The following ZNF565 variants were observed in gnomAD, a reference collection of about 807,000 sequenced individuals.
ZNF565 encodes the protein zinc finger protein 565.
ZNF565 carries 27 observed loss-of-function variants against 39.4 expected under a neutral mutation model. The observed-to-expected ratio is 0.69, with a 90% CI of 0.51 to 0.95. The LOEUF is 0.95. Among genes scored for constraint, ZNF565 ranks in the 40% least tolerant of loss-of-function variants. The pLI is 0.00. For synonymous variants in ZNF565, 185 were observed against 216.6 expected (o/e 0.85, Z 1.28); for missense variants, 524 against 621.1 (o/e 0.84, Z 1.66).
At chr19:36,236,333 TATA>T (rs1977642770) in intron 1 of ZNF565, 1 of 1,341,310 alleles carries the variant, frequency 7.5e-7, no homozygotes. Flanking sequence ...AGAGAAGCCT[TATA>T]AATGTAAGAG....
chr19:36,185,698 G>A (rs1468569368), intron 4 of ZNF565, among the ~76,000 whole-genome samples: 1 of 149,170 alleles, frequency 6.7e-6, no homozygotes, highest in Non-Finnish European at 1.5e-5. Context: ...TAAGGTCTCA[G>A]ATGAAAACTC....
At chr19:36,214,740 C>G (rs113671570), upstream of ZNF565, 1,440 of 152,424 alleles carry the variant, frequency 9.4e-3, 19 homozygotes, top group Non-Finnish European at 0.014. Context: ...AGAGCTAGAT[C>G]GGCCACGGAC....
At chr19:36,235,285 C>G (rs555577376) in intron 1 of ZNF565, among the ~76,000 whole-genome samples, 22 of 151,252 alleles carry the variant, frequency 1.5e-4, no homozygotes, top group African/African-American at 5.3e-4. Context: ...TAATTTTCAT[C>G]TTTTTCTTCT....
In ZNF565 at chr19:36,200,878, A is replaced by C. The variant is rs28540600; in HGVS notation, c.9+1099T>G. ...CTGCTTATGACAACCTCGGCCTCCT[A>C]GGTTAAAGTGATTCTCCTACCTCAG... On this transcript the variant is annotated intron_variant, in intron 2 of 4. Transcript: ENST00000304116. Among the ~76,000 whole-genome samples, 1,036 of 151,954 alleles carry C rather than the reference A, an allele frequency of 6.8e-3. 8 individuals carry two copies. Among genetic ancestry groups the C allele is most frequent in the African/African-American group, 0.024 (977 of 41,410 alleles).
At chr19:36,222,475 G>A (rs796596964) in intron 1 of ZNF565, among the ~76,000 whole-genome samples, 96 of 152,276 alleles carry the variant, frequency 6.3e-4, no homozygotes, top group African/African-American at 2.3e-3. Flanking sequence ...TGCCCAGTGG[G>A]TAAGTACTTA....
In ZNF565 at chr19:36,194,228, C is replaced by A; in HGVS notation, c.232+5G>T. ...CTTCCCCTGTCGAAATCGGCCCTCG[C>A]TTACCTGGGCACCATGGTCCTGTCA... On this transcript the variant is annotated splice_donor_5th_base_variant and intron_variant, in intron 4 of 4. Coordinates refer to ENST00000304116, the MANE Select transcript of ZNF565 (RefSeq NM_152477.5). 6.2e-7 allele frequency: 1 copy of A among 1,608,828 alleles called. No homozygotes were observed. The highest frequency in any genetic ancestry group is 1.1e-5 in the South Asian group (1 of 89,990).
At chr19:36,213,587 T>A (rs1976456056) in intron 1 of ZNF565, among the ~76,000 whole-genome samples, 1 of 152,096 alleles carries the variant, frequency 6.6e-6, no homozygotes, top group Admixed American at 6.6e-5. Flanking sequence ...GGTTTTATCG[T>A]GTTGGCCAGG....
At chr19:36,184,471 G>C (rs1975218429) in intron 4 of ZNF565, among the ~76,000 whole-genome samples, 1 of 151,954 alleles carries the variant, frequency 6.6e-6, no homozygotes. Flanking sequence ...CACCATATTG[G>C]CCAGGCTGGT....
chr19:36,221,859 TG>T (rs1426805065), intron 1 of ZNF565, among the ~76,000 whole-genome samples: 1 of 151,844 alleles, frequency 6.6e-6, no homozygotes, highest in Non-Finnish European at 1.5e-5. Context: ...GCATACCACA[TG>T]CACCTCCCTA....
rs1975152820 is a variant in ZNF565 at position 36,183,275 on chromosome 19, C to A, written c.691G>T (p.Ala231Ser). The A allele has an allele frequency of 2.5e-6, 4 of 1,614,158 alleles. No individual in the cohort carries two copies. The East Asian group carries it at 6.7e-5, about 27-fold the overall frequency. ...KPYDCKDCGK[A>S]FGRTSELILH... is the part of the protein sequence containing the mutation. ...ATAAGTTCTGATGTACGACCAAAGG[C>A]CTTCCCACAGTCCTTACAGTCATAA... The change falls in exon 5 of 5, where the codon GCC becomes TCC. Residue 231 changes from alanine to serine, a missense_variant. Physicochemically the swap from Ala to Ser is moderately conservative, Grantham distance 99. Coordinates refer to ENST00000304116, the MANE Select transcript of ZNF565 (RefSeq NM_152477.5).
intron 1 of ZNF565, among the ~76,000 whole-genome samples, chr19:36,240,503 A>C (rs1422067506): frequency 6.6e-6 from 1 of 152,226 alleles, no homozygotes; most frequent in African/African-American, 2.4e-5. Context: ...TATGGGTTGA[A>C]TGTCCCACCC....
chr19:36,240,660 C>T (rs944546275), intron 1 of ZNF565, among the ~76,000 whole-genome samples: 5 of 151,780 alleles, frequency 3.3e-5, no homozygotes, highest in South Asian at 2.1e-4. Flanking sequence ...CCTGAGGTCA[C>T]GAGTTCAATA....
upstream of ZNF565, among the ~76,000 whole-genome samples, chr19:36,215,830 G>C (rs2432039): frequency 0.37 from 56,821 of 151,920 alleles, 10,830 homozygotes; most frequent in South Asian, 0.49. Context: ...CGGCGCCCAG[G>C]ATGAGGGAGT....
chr19:36,189,292 AAAAT>A (rs35979205), intron 4 of ZNF565, among the ~76,000 whole-genome samples: 8,040 of 151,840 alleles, frequency 0.053, 250 homozygotes, highest in Non-Finnish European at 0.066. Flanking sequence ...CTGTCTCACA[AAAAT>A]AAATAAATAA....
chr19:36,208,278 C>A (rs1282278382), intron 1 of ZNF565, among the ~76,000 whole-genome samples: 2 of 150,544 alleles, frequency 1.3e-5, no homozygotes, highest in Non-Finnish European at 2.9e-5. Flanking sequence ...GTGGCGCAAT[C>A]ACAGCTTCAG....
chr19:36,218,840 G>C (rs1437224210), upstream of ZNF565, among the ~76,000 whole-genome samples: 1 of 134,854 alleles, frequency 7.4e-6, no homozygotes, highest in Non-Finnish European at 1.6e-5. Flanking sequence ...ACAGAGTCTC[G>C]GTTTGTCGCC....
chr19:36,237,457 C>CTT, intron 1 of ZNF565: 1 of 1,082,502 alleles, frequency 9.2e-7, no homozygotes, highest in Non-Finnish European at 1.3e-6. Flanking sequence ...TAAGGGACAC[C>CTT]AGAAAATTTG....
intron 2 of ZNF565, among the ~76,000 whole-genome samples, chr19:36,199,506 CTTTTTTT>C (rs1183093969): frequency 3.1e-5 from 4 of 128,954 alleles, no homozygotes; most frequent in Admixed American, 1.7e-4. Flanking sequence ...CTTTCTTTCT[CTTTTTTT>C]TTTTTTTTTT....
At chr19:36,200,048 CAG>C (rs375216779) in intron 2 of ZNF565, among the ~76,000 whole-genome samples, 74 of 150,868 alleles carry the variant, frequency 4.9e-4, no homozygotes, top group African/African-American at 1.7e-3. Context: ...TTTTTTGAGA[CAG>C]AGTCTCATTC....
Sources: gnomAD v4.1 joint callset for allele counts (sites outside exome capture counted in the v4.1 genomes callset) on GRCh38, gnomAD v4.1.1 for gene constraint, MANE v1.5 for transcripts, NCBI Gene and HGNC (gene_info 2026-07-23, HGNC 2026-07-21) for gene names.